Variants in EHHADH observed in about 807,000 individuals in gnomAD.
EHHADH encodes the protein enoyl-CoA hydratase and 3-hydroxyacyl CoA dehydrogenase, also known as peroxisomal bifunctional enzyme.
A neutral mutation model predicts 64.4 loss-of-function variants in EHHADH; 48 were observed. The ratio of observed to expected loss-of-function variants is 0.75; its 90% CI spans 0.59 to 0.95. The LOEUF (loss-of-function observed/expected upper bound fraction) is 0.95. EHHADH is among the 40% of genes least tolerant of loss of function. The pLI is 0.00. For synonymous variants in EHHADH, 308 were observed against 326.7 expected, an observed-to-expected ratio of 0.94 and a Z score of 0.62; for missense variants, 854 against 876.6, an observed-to-expected ratio of 0.97 and a Z score of 0.33.
chr3:185,212,126 C>T (rs1718557608), intron 5 of EHHADH, among the ~76,000 whole-genome samples: 1 of 152,198 alleles, frequency 6.6e-6, no homozygotes, highest in African/African-American at 2.4e-5. Context: ...CAGAAACATG[C>T]ACATGAGAAC....
At chr3:185,235,219 T>G in intron 3 of EHHADH, 71 bp downstream of exon 3, 1 of 1,377,694 alleles carries the variant, frequency 7.3e-7, no homozygotes, top group Non-Finnish European at 9.8e-7. Flanking sequence ...CTGATACTTA[T>G]GACTACATTT....
At chr3:185,229,566 A>C in intron 3 of EHHADH, 23 bp from the exon 4 acceptor site, 1 of 1,443,368 alleles carries the variant, frequency 6.9e-7, no homozygotes. Flanking sequence ...GAAGGCATAA[A>C]GGCCATTAGC....
intron 4 of EHHADH, among the ~76,000 whole-genome samples, chr3:185,218,745 G>A (rs540697101): frequency 1.5e-4 from 23 of 151,760 alleles, no homozygotes; most frequent in Non-Finnish European, 2.5e-4. Context: ...AAAAAGGACC[G>A]GGCACGGTGG....
intron 4 of EHHADH, among the ~76,000 whole-genome samples, chr3:185,228,644 C>G (rs1334920828): frequency 6.6e-6 from 1 of 151,556 alleles, no homozygotes; most frequent in Admixed American, 6.6e-5. Context: ...TGCCACTGCA[C>G]TCCAGCCTGG....
Position 185,192,222 on chromosome 3 carries a change from T to G in EHHADH, c.*4A>C. 1.2e-6 allele frequency: 2 copies of G among 1,609,360 alleles called. No homozygotes were observed. ...GCATGTGAGGCATAATCTGGAAGAC[T>G]GAATCACAATTTACTGCTAGGGGAG... On this transcript the variant is annotated 3_prime_UTR_variant, in exon 7 of 7. Transcript: ENST00000231887.
At chr3:185,202,244 C>T (rs150058561) in intron 6 of EHHADH, among the ~76,000 whole-genome samples, 5 of 151,574 alleles carry the variant, frequency 3.3e-5, no homozygotes, top group Non-Finnish European at 7.4e-5. Flanking sequence ...GAGGCTGAAG[C>T]ACGAGAATTG....
At chr3:185,218,946 C>G (rs1718765334) in intron 4 of EHHADH, among the ~76,000 whole-genome samples, 1 of 152,008 alleles carries the variant, frequency 6.6e-6, no homozygotes, top group Non-Finnish European at 1.5e-5. Context: ...TCGCTTGAAC[C>G]CAGGAGGTGG....
chr3:185,194,609 TAACAACAACAACAAC>T (rs35024076), intron 6 of EHHADH, among the ~76,000 whole-genome samples: 22 of 144,406 alleles, frequency 1.5e-4, no homozygotes, highest in African/African-American at 3.6e-4. Flanking sequence ...TGAAACTCTG[TAACAACAACAACAAC>T]AACAACAACA....
At chr3:185,220,485 C>T (rs1718802882) in intron 4 of EHHADH, among the ~76,000 whole-genome samples, 1 of 152,140 alleles carries the variant, frequency 6.6e-6, no homozygotes, top group Admixed American at 6.5e-5. Context: ...ACCATATAGC[C>T]TAGGTGTGTA....
rs1407656920 is a variant in EHHADH at position 185,216,382 on chromosome 3, A to G, written c.568+1754T>C. On this transcript the variant is annotated intron_variant, in intron 5 of 6. Coordinates refer to ENST00000231887, the MANE Select transcript of EHHADH (RefSeq NM_001966.4). This position sits in a 1 kb window ranked among gnomAD's most constrained non-coding sequence, Gnocchi z 5.3. ...AGATGTGAATGACAGACACGGGTCT[A>G]CCTTTAGCAAACCAAAGAATCATTT... 3.3e-5 allele frequency among the ~76,000 whole-genome samples: 5 copies of G among 152,230 alleles called. No individual in the cohort carries two copies. The highest frequency in any genetic ancestry group is 1.2e-4 in the African/African-American group (5 of 41,462).
chr3:185,228,305 AAG>A (rs1286292934), intron 4 of EHHADH, among the ~76,000 whole-genome samples: 1 of 120,756 alleles, frequency 8.3e-6, no homozygotes, highest in African/African-American at 2.8e-5. Context: ...GAGAGAGAGA[AAG>A]AGAGTAAATC....
At chr3:185,202,123 A>C (rs1718246663) in intron 6 of EHHADH, among the ~76,000 whole-genome samples, 1 of 152,186 alleles carries the variant, frequency 6.6e-6, no homozygotes, top group Non-Finnish European at 1.5e-5. Flanking sequence ...GGATCACCTG[A>C]GGTCAGAGGT....
intron 4 of EHHADH, among the ~76,000 whole-genome samples, chr3:185,225,666 C>G (rs1466920351): frequency 1.3e-5 from 2 of 152,138 alleles, no homozygotes; most frequent in Non-Finnish European, 2.9e-5. Flanking sequence ...CTTTCTATAA[C>G]CTTCCAAGCC....
At chr3:185,194,063 A>T (rs2108623428) in intron 6 of EHHADH, among the ~76,000 whole-genome samples, 2 of 152,364 alleles carry the variant, frequency 1.3e-5, no homozygotes, top group East Asian at 3.9e-4. Context: ...TTGCAGAATC[A>T]ATAAGCTGAT....
At chr3:185,222,828 C>A (rs1435030689) in intron 4 of EHHADH, among the ~76,000 whole-genome samples, 1 of 152,232 alleles carries the variant, frequency 6.6e-6, no homozygotes, top group East Asian at 1.9e-4. Flanking sequence ...TATTACATAG[C>A]ATCCTAGCAT....
intron 2 of EHHADH, among the ~76,000 whole-genome samples, chr3:185,239,446 C>T (rs889286397): frequency 3.3e-5 from 5 of 152,146 alleles, no homozygotes; most frequent in African/African-American, 1.2e-4. Flanking sequence ...TCTGTGTCAT[C>T]TATCATTTAT....
chr3:185,249,661 T>G (rs922590760), intron 1 of EHHADH, among the ~76,000 whole-genome samples: 2 of 152,208 alleles, frequency 1.3e-5, no homozygotes, highest in African/African-American at 4.8e-5. Flanking sequence ...TCCACCATGA[T>G]TGTAAGTTTC....
intron 2 of EHHADH, among the ~76,000 whole-genome samples, chr3:185,235,787 G>A (rs1386627865): frequency 6.6e-6 from 1 of 152,042 alleles, no homozygotes; most frequent in Non-Finnish European, 1.5e-5. Flanking sequence ...TCTCAGAAAA[G>A]GGGAATAGGG....
chr3:185,198,076 C>T (rs6799871), intron 6 of EHHADH, among the ~76,000 whole-genome samples: 16,342 of 151,894 alleles, frequency 0.11, 1,922 homozygotes, highest in African/African-American at 0.29. Context: ...GGATTACAGG[C>T]GTGAGCCACT....
Sources: gnomAD v4.1 joint callset for allele counts (sites outside exome capture counted in the v4.1 genomes callset) on GRCh38, gnomAD v4.1.1 for gene constraint, Gnocchi (gnomAD v3.1) non-coding constraint, MANE v1.5 for transcripts, NCBI Gene and HGNC (gene_info 2026-07-23, HGNC 2026-07-21) for gene names.